The following UNC5D variants were observed in gnomAD, a reference collection of about 807,000 sequenced individuals.
The protein encoded by UNC5D is netrin receptor UNC5D.
A neutral mutation model predicts 105.4 loss-of-function variants in UNC5D; 39 were observed. The ratio of observed to expected loss-of-function variants is 0.37; its 90% confidence interval spans 0.29 to 0.48. The LOEUF (loss-of-function observed/expected upper bound fraction) is 0.48. Among genes scored for constraint, UNC5D ranks in the 20% least tolerant of loss-of-function variants. The pLI is 0.98. For missense variants in UNC5D, 991 were observed against 1,202.4 expected (o/e 0.82, Z 2.60); for synonymous variants, 452 against 450.4 (o/e 1.00, Z -0.04).
chr8:35,692,038 A>G (rs1173513122), intron 7 of UNC5D, among the ~76,000 whole-genome samples: 4 of 152,196 alleles, frequency 2.6e-5, no homozygotes, highest in Non-Finnish European at 5.9e-5. Context: ...TAGCTACCTG[A>G]TAGCTAGTCC....
At chr8:35,422,890 T>C (rs1806008657) in intron 1 of UNC5D, among the ~76,000 whole-genome samples, 1 of 152,116 alleles carries the variant, frequency 6.6e-6, no homozygotes, top group South Asian at 2.1e-4. Flanking sequence ...GTTACAGTAA[T>C]TAAAGTGGTC....
At chr8:35,731,680 G>C (rs1007057778) in intron 11 of UNC5D, among the ~76,000 whole-genome samples, 1 of 152,106 alleles carries the variant, frequency 6.6e-6, no homozygotes, top group Non-Finnish European at 1.5e-5. Context: ...CTCCATAAAC[G>C]CTGACTGTCT....
intron 1 of UNC5D, among the ~76,000 whole-genome samples, chr8:35,268,197 G>A (rs941081150): frequency 1.3e-5 from 2 of 151,900 alleles, no homozygotes; most frequent in African/African-American, 4.8e-5. Flanking sequence ...CCAACTGTTT[G>A]TTAAAAATAT....
intron 1 of UNC5D, among the ~76,000 whole-genome samples, chr8:35,413,638 C>A (rs1480250592): frequency 2.0e-5 from 3 of 152,048 alleles, no homozygotes; most frequent in African/African-American, 7.2e-5. Flanking sequence ...ATGAAAGGAT[C>A]TCTCTACCCA....
intron 11 of UNC5D, among the ~76,000 whole-genome samples, chr8:35,739,599 T>C (rs1322490028): frequency 2.0e-5 from 3 of 152,170 alleles, no homozygotes; most frequent in Non-Finnish European, 4.4e-5. Context: ...TTTGTGAATG[T>C]TATTAATAGA....
chr8:35,559,222 C>T (rs551844798), intron 2 of UNC5D, among the ~76,000 whole-genome samples: 14 of 152,118 alleles, frequency 9.2e-5, no homozygotes, highest in Non-Finnish European at 1.8e-4. Context: ...AAAACAGGCA[C>T]CAAGACTGGG....
intron 4 of UNC5D, among the ~76,000 whole-genome samples, chr8:35,596,629 A>G (rs1819509002): frequency 6.6e-6 from 1 of 152,180 alleles, no homozygotes; most frequent in Non-Finnish European, 1.5e-5. Flanking sequence ...ACATCAATCA[A>G]CATATGTAAG....
At chr8:35,571,490 G>A (rs1322556903) in intron 3 of UNC5D, among the ~76,000 whole-genome samples, 1 of 151,916 alleles carries the variant, frequency 6.6e-6, no homozygotes, top group Non-Finnish European at 1.5e-5. Context: ...GGGGACCAGT[G>A]TACATTAAAA....
intron 1 of UNC5D, among the ~76,000 whole-genome samples, chr8:35,370,041 T>C (rs543727564): frequency 6.6e-6 from 1 of 152,216 alleles, no homozygotes; most frequent in African/African-American, 2.4e-5. Context: ...TTCTTATAAC[T>C]TGAGGCCAAG....
At chr8:35,269,021 T>C (rs1384121741) in intron 1 of UNC5D, among the ~76,000 whole-genome samples, 1 of 152,212 alleles carries the variant, frequency 6.6e-6, no homozygotes, top group Non-Finnish European at 1.5e-5. Context: ...TTTACATTAA[T>C]CTATTGCCTA....
chr8:35,311,337 C>T lies in UNC5D; in HGVS notation c.103+75450C>T, dbSNP rs577948920. ...TGGAAGATGTTTTTTTTCAGAGGAGCGATGTGATCTCTGGATTGCCCATTG... is the reference window on the plus strand; with the variant it reads ...TGGAAGATGTTTTTTTTCAGAGGAGTGATGTGATCTCTGGATTGCCCATTG... On this transcript the variant is annotated intron_variant, in intron 1 of 16. Transcript: ENST00000404895. 1.6e-4 allele frequency among the ~76,000 whole-genome samples: 25 copies of T among 151,988 alleles called. No homozygotes were observed. The East Asian group carries it at 3.9e-3, about 24-fold the overall frequency.
chr8:35,246,199 G>A (rs1323167632), intron 1 of UNC5D, among the ~76,000 whole-genome samples: 2 of 151,998 alleles, frequency 1.3e-5, no homozygotes, highest in East Asian at 1.9e-4. Context: ...CCGTGATGCC[G>A]CCCTTTGTTT....
intron 1 of UNC5D, among the ~76,000 whole-genome samples, chr8:35,253,740 C>A (rs536263545): frequency 6.6e-6 from 1 of 151,992 alleles, no homozygotes. Flanking sequence ...CCGCCCGCCT[C>A]GGCCTCCCAA....
At chr8:35,667,790 A>T (rs1405613248) in intron 4 of UNC5D, among the ~76,000 whole-genome samples, 2 of 152,212 alleles carry the variant, frequency 1.3e-5, no homozygotes, top group South Asian at 2.1e-4. Flanking sequence ...ATAGAAAGGC[A>T]TATTTTTTGA....
intron 10 of UNC5D, among the ~76,000 whole-genome samples, chr8:35,728,855 G>A (rs970804990): frequency 6.6e-6 from 1 of 152,136 alleles, no homozygotes; most frequent in Non-Finnish European, 1.5e-5. Flanking sequence ...GGTGGAGTAT[G>A]GGGTATTATA....
At chr8:35,248,283 AATATAT>A (rs1229487687) in intron 1 of UNC5D, among the ~76,000 whole-genome samples, 121 of 112,558 alleles carry the variant, frequency 1.1e-3, no homozygotes, top group East Asian at 2.4e-3. Context: ...ATAATATATA[AATATAT>A]GTTATATAAA....
intron 1 of UNC5D, among the ~76,000 whole-genome samples, chr8:35,344,730 G>T (rs771163165): frequency 6.6e-5 from 10 of 152,044 alleles, no homozygotes; most frequent in Non-Finnish European, 1.2e-4. Flanking sequence ...GATTATCTTA[G>T]TACCCTGATG....
chr8:35,480,925 T>C (rs1451532574), intron 1 of UNC5D, among the ~76,000 whole-genome samples: 2 of 152,122 alleles, frequency 1.3e-5, no homozygotes, highest in Non-Finnish European at 2.9e-5. Context: ...TTTCTGGATA[T>C]GGATGGCTTA....
intron 1 of UNC5D, among the ~76,000 whole-genome samples, chr8:35,504,963 A>C (rs1211041615): frequency 1.3e-5 from 2 of 152,186 alleles, no homozygotes; most frequent in Non-Finnish European, 2.9e-5. Context: ...ACTGTTCAAG[A>C]CGAGGTAAAG....
Sources: allele counts gnomAD v4.1 joint callset (sites outside exome capture counted in the v4.1 genomes callset), GRCh38; gene constraint gnomAD v4.1.1; transcripts MANE v1.5; gene names NCBI Gene and HGNC (gene_info 2026-07-23, HGNC 2026-07-21).